The following ROBO1 variants were observed in gnomAD, a reference collection of about 807,000 sequenced individuals.
ROBO1 encodes roundabout homolog 1.
In ROBO1, 149 loss-of-function variants were observed where a neutral mutation model predicts 195.9. The ratio of observed to expected loss-of-function variants is 0.76; its 90% CI spans 0.67 to 0.87. The LOEUF is 0.87. Among genes scored for constraint, ROBO1 ranks in the 40% least tolerant of loss-of-function variants. ROBO1 has a pLI of 0.00. For synonymous variants in ROBO1, 816 were observed against 733.2 expected (o/e 1.11, Z -1.82); for missense variants, 1,933 against 2,068.3 (o/e 0.93, Z 1.27).
chr3:79,032,527 C>T (rs2078314168), intron 3 of ROBO1, among the ~76,000 whole-genome samples: 1 of 151,948 alleles, frequency 6.6e-6, no homozygotes, highest in Non-Finnish European at 1.5e-5. Context: ...TCTTTTAGCT[C>T]AGATAATTCA....
At chr3:79,307,346 G>A (rs2033270916) in intron 2 of ROBO1, among the ~76,000 whole-genome samples, 1 of 151,994 alleles carries the variant, frequency 6.6e-6, no homozygotes, top group South Asian at 2.1e-4. Flanking sequence ...AGAAAAAAAT[G>A]TGTTTACACA....
At chr3:78,636,879 T>G (rs1468241563) in intron 22 of ROBO1, among the ~76,000 whole-genome samples, 2 of 147,914 alleles carry the variant, frequency 1.4e-5, no homozygotes, top group African/African-American at 4.9e-5. Context: ...TTTCTCTCTA[T>G]TGAAATATTT....
intron 2 of ROBO1, among the ~76,000 whole-genome samples, chr3:79,407,784 A>G (rs573835879): frequency 6.6e-6 from 1 of 152,276 alleles, no homozygotes; most frequent in South Asian, 2.1e-4. Flanking sequence ...AAATTATTAT[A>G]TACTTTAAAA....
intron 2 of ROBO1, among the ~76,000 whole-genome samples, chr3:79,477,198 G>A (rs1938588071): frequency 6.6e-6 from 1 of 152,110 alleles, no homozygotes; most frequent in Non-Finnish European, 1.5e-5. Flanking sequence ...AGCAAGGTAA[G>A]TGGTAATATA....
At chr3:79,018,851 C>G (rs1576575745) in intron 3 of ROBO1, 4 of 1,003,308 alleles carry the variant, frequency 4.0e-6, no homozygotes, top group East Asian at 1.9e-4. Context: ...CGAGGGCAGG[C>G]GCGGCGGCGG....
intron 2 of ROBO1, among the ~76,000 whole-genome samples, chr3:79,264,622 A>C (rs1462755514): frequency 1.3e-5 from 2 of 151,934 alleles, no homozygotes; most frequent in Non-Finnish European, 2.9e-5. Context: ...ATGTTGAAAC[A>C]ATTACTCCTA....
chr3:78,919,382 C>A (rs1322186987), intron 4 of ROBO1, among the ~76,000 whole-genome samples: 1 of 152,114 alleles, frequency 6.6e-6, no homozygotes, highest in African/African-American at 2.4e-5. Flanking sequence ...CAATATAAAA[C>A]AAGCAAGGTT....
At chr3:79,462,019 G>C (rs1339698379) in intron 2 of ROBO1, among the ~76,000 whole-genome samples, 2 of 151,876 alleles carry the variant, frequency 1.3e-5, no homozygotes, top group Non-Finnish European at 2.9e-5. Context: ...TAAAAATAAG[G>C]TTATAATTAA....
At chr3:78,892,510 G>A (rs1559970828) in intron 4 of ROBO1, among the ~76,000 whole-genome samples, 1 of 152,210 alleles carries the variant, frequency 6.6e-6, no homozygotes, top group Non-Finnish European at 1.5e-5. Context: ...GCATTGTGAT[G>A]TGTAGAGTAA....
chr3:78,632,981 G>T (rs1575809921), intron 24 of ROBO1, among the ~76,000 whole-genome samples: 1 of 152,230 alleles, frequency 6.6e-6, no homozygotes, highest in East Asian at 1.9e-4. Flanking sequence ...AATCTAAAAG[G>T]TAAAGGGCCA....
At chr3:79,183,080 C>CAAAAAAAAAAAAAAAAAAAAAAAA (rs1304597488) in intron 2 of ROBO1, among the ~76,000 whole-genome samples, 8 of 64,830 alleles carry the variant, frequency 1.2e-4, no homozygotes, top group African/African-American at 3.8e-4. Context: ...GACTCCAACT[C>CAAAAAAAAAAAAAAAAAAAAAAAA]AAAAAAAAAA....
intron 5 of ROBO1, among the ~76,000 whole-genome samples, chr3:78,721,288 G>A (rs541510283): frequency 7.9e-5 from 12 of 152,126 alleles, no homozygotes; most frequent in East Asian, 1.9e-4. Flanking sequence ...CCTTTCATGC[G>A]CTGATTTTGG....
chr3:79,329,987 C>T (rs1438315298), intron 2 of ROBO1, among the ~76,000 whole-genome samples: 5 of 151,942 alleles, frequency 3.3e-5, no homozygotes, highest in Non-Finnish European at 2.9e-5. Context: ...ATGGTAAAAA[C>T]AATTGAGCCA....
chr3:79,114,022 C>A (rs1392749654), intron 3 of ROBO1, among the ~76,000 whole-genome samples: 1 of 152,154 alleles, frequency 6.6e-6, no homozygotes, highest in Non-Finnish European at 1.5e-5. Context: ...ATGGTAGTGA[C>A]TAAGTCTCAT....
intron 1 of ROBO1, among the ~76,000 whole-genome samples, chr3:79,669,712 C>A (rs1208066817): frequency 6.6e-6 from 1 of 151,710 alleles, no homozygotes; most frequent in Non-Finnish European, 1.5e-5. Flanking sequence ...ACATAAGAGA[C>A]CCTAGTCACT....
At chr3:79,473,685 T>C (rs921398010) in intron 2 of ROBO1, among the ~76,000 whole-genome samples, 2 of 152,156 alleles carry the variant, frequency 1.3e-5, no homozygotes, top group Admixed American at 6.6e-5. Context: ...AATTCCTTTT[T>C]GAACTTCTGG....
intron 3 of ROBO1, among the ~76,000 whole-genome samples, chr3:79,019,791 T>A (rs2108268194): frequency 6.6e-6 from 1 of 152,056 alleles, no homozygotes; most frequent in African/African-American, 2.4e-5. Context: ...CAACTTAACC[T>A]CTTCCTTGCC....
intron 2 of ROBO1, among the ~76,000 whole-genome samples, chr3:79,362,666 G>A (rs913004401): frequency 6.6e-6 from 1 of 152,094 alleles, no homozygotes; most frequent in Admixed American, 6.5e-5. Context: ...GAGATAATAA[G>A]TCTGTTTGAC....
At chr3:79,679,619 C>G (rs1473157012) in intron 1 of ROBO1, among the ~76,000 whole-genome samples, 1 of 151,972 alleles carries the variant, frequency 6.6e-6, no homozygotes, top group Non-Finnish European at 1.5e-5. Flanking sequence ...TATATTCAAT[C>G]AGATAGTGTT....
Sources: gnomAD v4.1 joint callset for allele counts (sites outside exome capture counted in the v4.1 genomes callset) on GRCh38, gnomAD v4.1.1 for gene constraint, MANE v1.5 for transcripts, NCBI Gene and HGNC (gene_info 2026-07-23, HGNC 2026-07-21) for gene names.